Variants in KCNH5 observed in about 807,000 individuals in gnomAD.
KCNH5 encodes potassium voltage-gated channel subfamily H member 5.
A neutral mutation model predicts 96.1 loss-of-function variants in KCNH5; 46 were observed. That is an observed-to-expected ratio of 0.48 (90% CI 0.38 to 0.61). The LOEUF is 0.61. Ranked by LOEUF, KCNH5 falls within the 20% of genes least tolerant of loss-of-function variation. The pLI is 0.00. For missense variants in KCNH5, 907 were observed against 1,225.8 expected (o/e 0.74, Z 3.88); for synonymous variants, 439 against 449.8 (o/e 0.98, Z 0.30).
rs185137111 is a variant in KCNH5, at chr14:62,738,051, C to T, written c.2020-29596G>A. The stretch of plus-strand genomic sequence containing the variant: ...ACATAAAACAATTATAATAACACTC[C>T]GGCATCACCACTCTTGCACTTTGGG... On this transcript the variant is annotated intron_variant, in intron 10 of 10. Transcript: ENST00000322893. Among the ~76,000 whole-genome samples the T allele has an allele frequency of 1.4e-3, 211 of 152,100 alleles. 1 individual carries two copies. The highest frequency in any genetic ancestry group is 2.7e-3 in the Non-Finnish European group (182 of 67,978).
intron 2 of KCNH5, among the ~76,000 whole-genome samples, chr14:63,010,396 C>G (rs556431819): frequency 6.6e-6 from 1 of 152,158 alleles, no homozygotes; most frequent in Admixed American, 6.5e-5. Context: ...CAGCCTCACT[C>G]CCTAGCTTCT....
intron 8 of KCNH5, among the ~76,000 whole-genome samples, chr14:62,848,042 C>A (rs892796655): frequency 6.6e-6 from 1 of 152,230 alleles, no homozygotes; most frequent in Non-Finnish European, 1.5e-5. Context: ...CTGCCCTGTA[C>A]TAGATTTGTG....
intron 9 of KCNH5, among the ~76,000 whole-genome samples, chr14:62,797,256 C>T (rs1345011699): frequency 6.6e-6 from 1 of 152,086 alleles, no homozygotes; most frequent in Non-Finnish European, 1.5e-5. Flanking sequence ...GGCTGAGGAA[C>T]TCTAAAAGTG....
intron 8 of KCNH5, among the ~76,000 whole-genome samples, chr14:62,810,266 G>A (rs1027883232): frequency 2.6e-5 from 4 of 151,990 alleles, no homozygotes; most frequent in Admixed American, 1.3e-4. Flanking sequence ...GACCCTAATA[G>A]TTAGGCAGGA....
chr14:62,918,991 C>T (rs989242077), intron 7 of KCNH5, among the ~76,000 whole-genome samples: 1 of 152,032 alleles, frequency 6.6e-6, no homozygotes, highest in African/African-American at 2.4e-5. Context: ...AAGAATGTTA[C>T]AGCCATACAA....
chr14:62,874,417 T>C (rs969313927), intron 7 of KCNH5, among the ~76,000 whole-genome samples: 1 of 152,188 alleles, frequency 6.6e-6, no homozygotes, highest in Admixed American at 6.5e-5. Flanking sequence ...CACAATGAGA[T>C]ACCATCTCAC....
intron 9 of KCNH5, among the ~76,000 whole-genome samples, chr14:62,792,414 T>A (rs1886454107): frequency 6.6e-6 from 1 of 151,540 alleles, no homozygotes. Context: ...AAGCTACCTT[T>A]AAGGAGGTAG....
intron 7 of KCNH5, among the ~76,000 whole-genome samples, chr14:62,857,912 T>C (rs1887960670): frequency 6.6e-6 from 1 of 152,120 alleles, no homozygotes; most frequent in African/African-American, 2.4e-5. Flanking sequence ...TCTCCTGAGA[T>C]CATAATCTTC....
chr14:63,040,215 C>A (rs1180690928), intron 1 of KCNH5, among the ~76,000 whole-genome samples: 5 of 152,144 alleles, frequency 3.3e-5, no homozygotes, highest in African/African-American at 1.2e-4. Context: ...TTTATATGAT[C>A]CTTTTAGTAA....
Position 62,907,775 on chromosome 14 carries a change from G to A in KCNH5, c.1369+42358C>T, listed in dbSNP as rs1334654122. On this transcript the variant is annotated intron_variant, in intron 7 of 10. Coordinates refer to ENST00000322893, the MANE Select transcript of KCNH5 (RefSeq NM_139318.5). ...GCCGTTCTCAAGCTCATGTGGCCTG[G>A]CTGGAGCGGCAAGTGACAAGCACAA... Among the ~76,000 whole-genome samples, 3 of 152,180 alleles carry A rather than the reference G, an allele frequency of 2.0e-5. No individual in the cohort carries two copies. In the East Asian group the frequency reaches 5.8e-4, roughly 29 times the overall value.
At chr14:62,999,946 T>C (rs1168147380) in intron 4 of KCNH5, among the ~76,000 whole-genome samples, 3 of 151,972 alleles carry the variant, frequency 2.0e-5, no homozygotes, top group African/African-American at 4.8e-5. Context: ...GTATTTATAG[T>C]TATCTTAAAT....
At chr14:62,957,531 A>T (rs1890127117) in intron 6 of KCNH5, among the ~76,000 whole-genome samples, 1 of 152,204 alleles carries the variant, frequency 6.6e-6, no homozygotes, top group African/African-American at 2.4e-5. Flanking sequence ...ACCCCTCTGC[A>T]ATGTTACTTA....
chr14:63,044,950 GCCACC>G (rs1033686319), intron 1 of KCNH5, among the ~76,000 whole-genome samples, 159 bp downstream of exon 1: 25 of 151,960 alleles, frequency 1.6e-4, no homozygotes, highest in African/African-American at 6.0e-4. Flanking sequence ...CCATCTCATT[GCCACC>G]CCACCCCACC....
At chr14:62,938,137 C>T (rs1267416053) in intron 7 of KCNH5, among the ~76,000 whole-genome samples, 1 of 152,128 alleles carries the variant, frequency 6.6e-6, no homozygotes, top group Non-Finnish European at 1.5e-5. Context: ...CAAATTAGAC[C>T]TTCACAGCTT....
At chr14:62,988,539 A>T (rs911912219) in intron 4 of KCNH5, among the ~76,000 whole-genome samples, 1 of 152,096 alleles carries the variant, frequency 6.6e-6, no homozygotes, top group Non-Finnish European at 1.5e-5. Flanking sequence ...TGTATCAATA[A>T]CTGGATTGGA....
chr14:63,012,295 GACA>G (rs1891244298), intron 2 of KCNH5, among the ~76,000 whole-genome samples: 1 of 152,108 alleles, frequency 6.6e-6, no homozygotes, highest in African/African-American at 2.4e-5. Flanking sequence ...CAGTAAAATG[GACA>G]ACATTTGAAA....
intron 10 of KCNH5, among the ~76,000 whole-genome samples, chr14:62,740,481 T>TAGAAAA (rs1885249086): frequency 6.6e-6 from 1 of 152,110 alleles, no homozygotes; most frequent in Admixed American, 6.6e-5. Flanking sequence ...CCTGCTGATT[T>TAGAAAA]TCTAACATTA....
chr14:62,978,470 C>G (rs545421666), intron 6 of KCNH5, among the ~76,000 whole-genome samples: 28 of 151,842 alleles, frequency 1.8e-4, no homozygotes, highest in African/African-American at 6.5e-4. Context: ...ACCAGTAGTC[C>G]CAGCTACTTG....
intron 7 of KCNH5, among the ~76,000 whole-genome samples, chr14:62,865,743 TG>T (rs1400261434): frequency 6.6e-6 from 1 of 152,226 alleles, no homozygotes; most frequent in Non-Finnish European, 1.5e-5. Flanking sequence ...GCAAATGTAT[TG>T]AAGACAAGAA....
Sources: allele counts gnomAD v4.1 joint callset (sites outside exome capture counted in the v4.1 genomes callset), GRCh38; gene constraint gnomAD v4.1.1; transcripts MANE v1.5; gene names NCBI Gene and HGNC (gene_info 2026-07-23, HGNC 2026-07-21).